Variants in TLL1 observed in about 807,000 individuals in gnomAD.
TLL1 encodes the protein tolloid-like protein 1.
Under a neutral mutation model 128.2 loss-of-function variants are expected in TLL1, and 49 were observed. That is an observed-to-expected ratio of 0.38 (90% confidence interval 0.30 to 0.48). The LOEUF is 0.48. Ranked by LOEUF, TLL1 falls within the 20% of genes least tolerant of loss-of-function variation. The pLI is 0.96. For missense variants in TLL1, 1,123 were observed against 1,242.0 expected, an observed-to-expected ratio of 0.90 and a Z score of 1.44; for synonymous variants, 454 against 418.8, an observed-to-expected ratio of 1.08 and a Z score of -1.03.
intron 1 of TLL1, among the ~76,000 whole-genome samples, chr4:165,954,665 G>A (rs946107232): frequency 9.2e-5 from 14 of 152,128 alleles, no homozygotes; most frequent in African/African-American, 3.4e-4. Flanking sequence ...CCCAAGTCAG[G>A]AACCTTGCTG....
intron 1 of TLL1, among the ~76,000 whole-genome samples, chr4:165,881,568 G>A (rs1192322821): frequency 1.3e-5 from 2 of 152,072 alleles, no homozygotes; most frequent in African/African-American, 2.4e-5. Flanking sequence ...TATAAGCCAC[G>A]TACTGTATTG....
chr4:165,883,318 A>G (rs149658554), intron 1 of TLL1, among the ~76,000 whole-genome samples: 274 of 151,992 alleles, frequency 1.8e-3, no homozygotes, highest in African/African-American at 6.4e-3. Flanking sequence ...TTCTTTTTTT[A>G]TGTGGGTACT....
In TLL1 at chr4:166,060,115, T is replaced by G. The variant is rs1258539529; in HGVS notation, c.1934T>G (p.Val645Gly). 5 of 1,613,744 alleles carry G rather than the reference T, an allele frequency of 3.1e-6. No individual in the cohort carries two copies. The highest frequency in any genetic ancestry group is 1.3e-5 in the African/African-American group (1 of 74,900). The stretch of plus-strand genomic sequence containing the variant: ...GAGTACCCTCCTAATAAGAACTGTG[T>G]GTGGCAAGTGGTTGCACCAACCCAG... Reference protein sequence around the residue: ...PKEYPPNKNCVWQVVAPTQYR... With the variant: ...PKEYPPNKNCGWQVVAPTQYR... Residue 645 changes from valine (V) to glycine (G), a missense_variant, in exon 15 of 21, where the codon GTG (valine) becomes GGG (glycine). Val to Gly is a moderately radical substitution (Grantham distance 109). Around this residue, in one of 3 missense-constraint regions of TLL1, gnomAD observed 634 missense variants for 672.4 expected, o/e 0.94. Coordinates refer to ENST00000061240, the MANE Select transcript of TLL1 (RefSeq NM_012464.5).
At chr4:166,023,790 T>C (rs1321605226) in intron 8 of TLL1, among the ~76,000 whole-genome samples, 1 of 152,324 alleles carries the variant, frequency 6.6e-6, no homozygotes, top group South Asian at 2.1e-4. Context: ...CATACATTTA[T>C]GGATTAAGTA....
At chr4:166,037,610 C>T (rs1048914873) in intron 9 of TLL1, among the ~76,000 whole-genome samples, 1 of 152,108 alleles carries the variant, frequency 6.6e-6, no homozygotes, top group African/African-American at 2.4e-5. Context: ...GAGTTCAAAA[C>T]CAGCCTGGCC....
chr4:165,935,704 C>T (rs1733732490), intron 1 of TLL1, among the ~76,000 whole-genome samples: 2 of 152,120 alleles, frequency 1.3e-5, no homozygotes, highest in South Asian at 4.1e-4. Context: ...AAGTGCATTC[C>T]TACACACTAT....
chr4:165,952,571 A>C (rs1008760861), intron 1 of TLL1, among the ~76,000 whole-genome samples: 22 of 152,094 alleles, frequency 1.4e-4, no homozygotes, highest in African/African-American at 4.6e-4. Flanking sequence ...TATTTTTAAG[A>C]CTGATGAGAA....
At chr4:166,063,486 A>C (rs1184537994) in intron 15 of TLL1, among the ~76,000 whole-genome samples, 2 of 152,180 alleles carry the variant, frequency 1.3e-5, no homozygotes, top group Non-Finnish European at 2.9e-5. Flanking sequence ...CCACCCCATT[A>C]CGGGGTATAT....
intron 1 of TLL1, among the ~76,000 whole-genome samples, chr4:165,931,785 C>T (rs547305002): frequency 3.0e-4 from 45 of 152,036 alleles, no homozygotes; most frequent in Non-Finnish European, 2.9e-4. Context: ...CTCCATTGAG[C>T]AGCTCATTTC....
rs146101865 is a variant in TLL1, at chr4:165,940,280, T to C, written c.170-49101T>C. On this transcript the variant is annotated intron_variant, in intron 1 of 20. Transcript: ENST00000061240. Reference sequence around the variant, plus strand: ...ATTGGCAATTAAATCTGTTTGGTTCTTTCTTCAAAGTTGTATGTGATTACA... The same window carrying C: ...ATTGGCAATTAAATCTGTTTGGTTCCTTCTTCAAAGTTGTATGTGATTACA... 2.0e-3 allele frequency among the ~76,000 whole-genome samples: 312 copies of C among 152,202 alleles called. 2 individuals are homozygous for C. Among genetic ancestry groups the C allele is most frequent in the African/African-American group, 7.4e-3 (307 of 41,582 alleles).
intron 1 of TLL1, among the ~76,000 whole-genome samples, chr4:165,954,686 T>A (rs975708115): frequency 1.3e-5 from 2 of 151,940 alleles, no homozygotes; most frequent in East Asian, 3.9e-4. Context: ...GAAATAAATA[T>A]CCCATAGAGA....
chr4:166,099,461 C>T lies in TLL1; in HGVS notation c.2841C>T (p.Asp947=). ...AGGAAGAAGCAGACTGTGGCTATGA[C>T]TATGTGGAGCTCTTTGATGGTCTTG... ...EVEEEADCGY[D]YVELFDGLDS... Residue 947 remains aspartate, a synonymous_variant, in exon 20 of 21, where the codon GAC becomes GAT. Transcript: ENST00000061240. 5 of 1,613,396 alleles carry T rather than the reference C, an allele frequency of 3.1e-6. No individual in the cohort carries two copies. The highest frequency in any genetic ancestry group is 1.3e-5 in the African/African-American group (1 of 74,948).
At chr4:165,941,187 C>T (rs192531071) in intron 1 of TLL1, among the ~76,000 whole-genome samples, 100 of 152,080 alleles carry the variant, frequency 6.6e-4, no homozygotes, top group African/African-American at 2.2e-3. Context: ...GCGCTATTGC[C>T]TTTACTTCTG....
At chr4:165,911,523 G>C (rs894008422) in intron 1 of TLL1, among the ~76,000 whole-genome samples, 1 of 152,290 alleles carries the variant, frequency 6.6e-6, no homozygotes, top group Non-Finnish European at 1.5e-5. Flanking sequence ...TACATCTGCT[G>C]TCTCAGTCTT....
intron 1 of TLL1, among the ~76,000 whole-genome samples, chr4:165,885,766 A>G (rs183582323): frequency 8.5e-5 from 13 of 152,288 alleles, no homozygotes; most frequent in African/African-American, 3.1e-4. Flanking sequence ...GGGAAAGCCT[A>G]TTCTGTCAAG....
chr4:165,924,669 G>C (rs979696110), intron 1 of TLL1, among the ~76,000 whole-genome samples: 1 of 150,668 alleles, frequency 6.6e-6, no homozygotes, highest in Non-Finnish European at 1.5e-5. Context: ...GATGGAGGTG[G>C]CCACACTAAG....
rs191405276 is a variant in TLL1 at position 166,018,752 on chromosome 4, A to T, written c.1042+4192A>T. On this transcript the variant is annotated intron_variant, in intron 8 of 20. Transcript: ENST00000061240. ...AGAAATGCAAATCCAAACTACAATGAGATGTCATCTCACACCAGTCAGAAT... is the reference window on the plus strand; with the variant it reads ...AGAAATGCAAATCCAAACTACAATGTGATGTCATCTCACACCAGTCAGAAT... Among the ~76,000 whole-genome samples, 998 of 152,350 alleles carry T rather than the reference A, an allele frequency of 6.6e-3. 11 individuals are homozygous for T. Among genetic ancestry groups the T allele is most frequent in the African/African-American group, 0.023 (942 of 41,578 alleles).
chr4:166,077,793 G>A (rs1457853395), intron 17 of TLL1, 110 bp from the exon 18 acceptor site: 2 of 1,459,738 alleles, frequency 1.4e-6, no homozygotes, highest in Non-Finnish European at 1.9e-6. Flanking sequence ...AAAATTAGCT[G>A]GTATTCAGGA....
chr4:165,888,618 A>G (rs1030968177), intron 1 of TLL1, among the ~76,000 whole-genome samples: 1 of 151,504 alleles, frequency 6.6e-6, no homozygotes, highest in Non-Finnish European at 1.5e-5. Flanking sequence ...GCTTGAGTGT[A>G]TTAGGCTTCT....
Sources: allele counts gnomAD v4.1 joint callset (sites outside exome capture counted in the v4.1 genomes callset), GRCh38; gene constraint gnomAD v4.1.1; regional missense constraint gnomAD v4.1.1; transcripts MANE v1.5; gene names NCBI Gene and HGNC (gene_info 2026-07-23, HGNC 2026-07-21).